Variants in ADAM9 observed in about 807,000 individuals in gnomAD.
ADAM9 encodes the protein ADAM metallopeptidase domain 9.
A neutral mutation model predicts 108.1 loss-of-function variants in ADAM9; 54 were observed. That is an observed-to-expected ratio of 0.50 (90% CI 0.40 to 0.63). The LOEUF (loss-of-function observed/expected upper bound fraction) is 0.63. ADAM9 is among the 20% of genes least tolerant of loss of function. ADAM9 has a pLI of 0.00. For synonymous variants in ADAM9, 316 were observed against 336.0 expected (o/e 0.94, Z 0.65); for missense variants, 830 against 997.7 (o/e 0.83, Z 2.26).
chr8:39,010,435 T>C (rs1407494868), intron 2 of ADAM9, among the ~76,000 whole-genome samples: 3 of 152,162 alleles, frequency 2.0e-5, no homozygotes, highest in African/African-American at 4.8e-5. Flanking sequence ...GTCTAGCGCT[T>C]AGAAGTCAGA....
intron 20 of ADAM9, among the ~76,000 whole-genome samples, chr8:39,094,295 TC>T (rs1369412636): frequency 6.6e-6 from 1 of 152,236 alleles, no homozygotes; most frequent in Non-Finnish European, 1.5e-5. Context: ...TTGGGAAATA[TC>T]CTTTTATGTG....
chr8:39,022,413 A>G (rs563646774), intron 8 of ADAM9, among the ~76,000 whole-genome samples: 4 of 152,300 alleles, frequency 2.6e-5, no homozygotes, highest in Middle Eastern at 3.4e-3. Flanking sequence ...ATAAGTTTAG[A>G]AAAACAGTGT....
intron 12 of ADAM9, among the ~76,000 whole-genome samples, chr8:39,043,433 CTTG>C (rs1343856482): frequency 1.3e-5 from 2 of 152,096 alleles, no homozygotes; most frequent in African/African-American, 2.4e-5. Context: ...CTTGCCGACA[CTTG>C]TTGTCTTTTG....
intron 14 of ADAM9, among the ~76,000 whole-genome samples, chr8:39,059,732 GGGA>G (rs1454592490): frequency 6.6e-6 from 1 of 152,228 alleles, no homozygotes; most frequent in African/African-American, 2.4e-5. Context: ...GTGCACTTCA[GGGA>G]TGTCCCAGAA....
intron 12 of ADAM9, among the ~76,000 whole-genome samples, chr8:39,051,494 C>T (rs867326169): frequency 9.9e-5 from 15 of 152,096 alleles, no homozygotes; most frequent in African/African-American, 2.7e-4. Context: ...AATGTACATG[C>T]TTTTAGATCT....
chr8:39,011,508 G>T, intron 2 of ADAM9, 150 bp from the exon 3 acceptor site: 1 of 675,612 alleles, frequency 1.5e-6, no homozygotes, highest in South Asian at 1.8e-5. Flanking sequence ...TATTATTTAA[G>T]AATAGACACA....
chr8:38,997,717 G>C (rs1030541837), intron 1 of ADAM9, among the ~76,000 whole-genome samples: 2 of 152,220 alleles, frequency 1.3e-5, no homozygotes, highest in Non-Finnish European at 2.9e-5. Flanking sequence ...TGGGTGGGAG[G>C]ACGCTCATTT....
At chr8:38,998,273 T>C (rs922032566) in intron 1 of ADAM9, among the ~76,000 whole-genome samples, 3 of 152,224 alleles carry the variant, frequency 2.0e-5, no homozygotes, top group African/African-American at 7.2e-5. Flanking sequence ...GACAATGTTT[T>C]GAATGGGAAG....
At chr8:39,068,417 C>G (rs111942128) in intron 14 of ADAM9, among the ~76,000 whole-genome samples, 11 of 152,066 alleles carry the variant, frequency 7.2e-5, no homozygotes, top group African/African-American at 2.7e-4. Flanking sequence ...GCTCACACCT[C>G]TAATCCTAGC....
chr8:39,087,659 G>T (rs950356801), intron 18 of ADAM9, among the ~76,000 whole-genome samples: 4 of 152,194 alleles, frequency 2.6e-5, no homozygotes, highest in African/African-American at 9.7e-5. Context: ...ATACATTTGT[G>T]TAATGCCACT....
chr8:39,004,936 A>C (rs1267789456), intron 1 of ADAM9, among the ~76,000 whole-genome samples: 2 of 152,148 alleles, frequency 1.3e-5, no homozygotes, highest in African/African-American at 4.8e-5. Flanking sequence ...TTTATCAGCA[A>C]AGTCTCTGTG....
At chr8:39,056,155 G>A (rs1263402824) in intron 14 of ADAM9, among the ~76,000 whole-genome samples, 1 of 152,000 alleles carries the variant, frequency 6.6e-6, no homozygotes, top group Non-Finnish European at 1.5e-5. Flanking sequence ...TAGATGAATG[G>A]ATCATGATTT....
At chr8:39,073,841 ATAG>A (rs1184008276) in intron 15 of ADAM9, among the ~76,000 whole-genome samples, 1 of 152,176 alleles carries the variant, frequency 6.6e-6, no homozygotes, top group Non-Finnish European at 1.5e-5. Flanking sequence ...ATTTTATGTA[ATAG>A]TAGTATACAA....
At chr8:39,025,952 ATACTTCC>A in intron 10 of ADAM9, 68 bp downstream of exon 10, 5 of 1,462,732 alleles carry the variant, frequency 3.4e-6, no homozygotes, top group Non-Finnish European at 4.8e-6. Context: ...TATTGACTGT[ATACTTCC>A]TCCCCTGGTC....
Position 39,071,421 on chromosome 8 carries a change from C to T in ADAM9, c.1697+18C>T. ...GCCACTGGGTAAGTGGAGGTGCGGT[C>T]ATAATGGAATATGAAAGATTATAAG... is the stretch of plus-strand genomic sequence containing the variant. On this transcript the variant is annotated intron_variant, in intron 15 of 21. Transcript: ENST00000487273. 7.8e-7 allele frequency: 1 copy of T among 1,288,588 alleles called. No homozygotes were observed. The highest frequency in any genetic ancestry group is 1.2e-5 in the South Asian group (1 of 84,676). The allele number at this position is 1,288,588 out of a possible 1,614,324, so 79.8% of individuals were successfully genotyped here. A position where few individuals can be genotyped will look rare whatever the true frequency, so the allele number is the denominator to read the frequency against.
At chr8:39,058,286 G>C (rs771488474) in intron 14 of ADAM9, among the ~76,000 whole-genome samples, 6 of 152,128 alleles carry the variant, frequency 3.9e-5, no homozygotes, top group Non-Finnish European at 5.9e-5. Context: ...AACAGTCTTC[G>C]TTTCTGCAAC....
At chr8:39,047,848 A>G (rs952157172) in intron 12 of ADAM9, among the ~76,000 whole-genome samples, 3 of 146,366 alleles carry the variant, frequency 2.0e-5, no homozygotes, top group Non-Finnish European at 4.5e-5. Flanking sequence ...GTTGCTTTTC[A>G]GATTTCTTGG....
chr8:39,084,501 A>G (rs1184002305), intron 18 of ADAM9, among the ~76,000 whole-genome samples: 1 of 151,340 alleles, frequency 6.6e-6, no homozygotes, highest in Non-Finnish European at 1.5e-5. Context: ...CTTTTGAAAT[A>G]CCTGTGGATT....
intron 19 of ADAM9, among the ~76,000 whole-genome samples, chr8:39,090,476 A>G (rs1839318286): frequency 6.6e-6 from 1 of 152,150 alleles, no homozygotes; most frequent in Admixed American, 6.5e-5. Context: ...CCTATATTAA[A>G]TAATTTATAA....
Sources: allele counts gnomAD v4.1 joint callset (sites outside exome capture counted in the v4.1 genomes callset), GRCh38; gene constraint gnomAD v4.1.1; transcripts MANE v1.5; gene names NCBI Gene and HGNC (gene_info 2026-07-23, HGNC 2026-07-21).